CCDC91: variants seen among roughly 807,000 people sequenced by gnomAD.
CCDC91 encodes the protein coiled-coil domain containing 91, also known as coiled-coil domain-containing protein 91.
CCDC91 carries 48 observed loss-of-function variants against 63.2 expected under a neutral mutation model. The ratio of observed to expected loss-of-function variants is 0.76; its 90% CI spans 0.60 to 0.97. CCDC91 has a LOEUF of 0.97. CCDC91 is among the 50% of genes least tolerant of loss of function. The probability of loss-of-function intolerance (pLI) is 0.00; values close to 1 mark genes in which losing one functional copy is unlikely to be tolerated. For synonymous variants in CCDC91, 167 were observed against 165.8 expected (o/e 1.01, Z -0.06); for missense variants, 500 against 494.6 (o/e 1.01, Z -0.10).
At chr12:28,537,231 AAAG>A (rs1942248701) in intron 12 of CCDC91, among the ~76,000 whole-genome samples, 1 of 152,160 alleles carries the variant, frequency 6.6e-6, no homozygotes, top group Non-Finnish European at 1.5e-5. Context: ...AGGGGGAAAA[AAAG>A]GAGGAGGCAC....
chr12:28,370,338 C>T (rs562661552), intron 7 of CCDC91, among the ~76,000 whole-genome samples: 1 of 152,308 alleles, frequency 6.6e-6, no homozygotes, highest in South Asian at 2.1e-4. Flanking sequence ...TTTTACAATT[C>T]TCTAGGGCAG....
intron 12 of CCDC91, among the ~76,000 whole-genome samples, chr12:28,517,432 A>G (rs115261408): frequency 2.6e-4 from 39 of 152,082 alleles, no homozygotes; most frequent in African/African-American, 9.1e-4. Flanking sequence ...TTTGTTAAGT[A>G]TAATGGCATA....
intron 8 of CCDC91, among the ~76,000 whole-genome samples, chr12:28,422,023 T>G (rs1270385848): frequency 6.6e-6 from 1 of 152,164 alleles, no homozygotes; most frequent in East Asian, 1.9e-4. Flanking sequence ...TCCTGGAGTC[T>G]TGTTTCACTA....
At chr12:28,328,107 G>C (rs1941180595) in intron 6 of CCDC91, among the ~76,000 whole-genome samples, 1 of 152,084 alleles carries the variant, frequency 6.6e-6, no homozygotes, top group African/African-American at 2.4e-5. Context: ...TTTGATGTTT[G>C]TATGGCTGTC....
At position 28,362,504 on chromosome 12, in the gene CCDC91, G is replaced by A. The variant is rs781406194; in HGVS notation, c.643G>A (p.Asp215Asn). Reference sequence around the variant, plus strand: ...TCACGAAGCCCTCAGCATTATTGTGGATGAATATAAGGTAGAGGTTTGAGA... The same window carrying A: ...TCACGAAGCCCTCAGCATTATTGTGAATGAATATAAGGTAGAGGTTTGAGA... ...AGHEALSIIV[D>N]EYKALLQSSV... The change falls in exon 7 of 13, where the codon GAT (aspartate) becomes AAT (asparagine). Residue 215 changes from aspartate (D) to asparagine (N), a missense_variant. By Grantham distance (23) the Asp-to-Asn change is conservative. Coordinates refer to ENST00000536442, the MANE Select transcript of CCDC91 (RefSeq NM_018318.5). The A allele has an allele frequency of 2.5e-6, 4 of 1,591,564 alleles. No homozygotes were observed. Among genetic ancestry groups the A allele is most frequent in the Non-Finnish European group, 3.4e-6 (4 of 1,168,116 alleles).
intron 6 of CCDC91, among the ~76,000 whole-genome samples, chr12:28,344,075 A>G (rs1393996506): frequency 1.3e-5 from 2 of 152,060 alleles, no homozygotes; most frequent in Non-Finnish European, 2.9e-5. Context: ...GAACCAATAG[A>G]TATTTTAACA....
rs74931771 is a variant in CCDC91 at position 28,404,319 on chromosome 12, T to C, written c.762+12908T>C. 2.2e-3 allele frequency among the ~76,000 whole-genome samples: 328 copies of C among 152,234 alleles called. 2 individuals carry two copies. Among genetic ancestry groups the C allele is most frequent in the African/African-American group, 7.5e-3 (311 of 41,576 alleles). ...GGATTTTCTAGCTATTCTCCTATTA[T>C]TGATTTTCTAGTTTAATTCCACCGT... On this transcript the variant is annotated intron_variant, in intron 8 of 12. Coordinates refer to ENST00000536442, the MANE Select transcript of CCDC91 (RefSeq NM_018318.5).
intron 8 of CCDC91, among the ~76,000 whole-genome samples, chr12:28,447,628 A>T (rs1469250430): frequency 1.3e-5 from 2 of 148,850 alleles, no homozygotes; most frequent in Admixed American, 6.7e-5. Flanking sequence ...AGGTGGGAGG[A>T]TCACATGAAG....
intron 3 of CCDC91, among the ~76,000 whole-genome samples, chr12:28,292,664 A>C (rs892711701): frequency 2.0e-5 from 3 of 152,124 alleles, no homozygotes; most frequent in Non-Finnish European, 2.9e-5. Context: ...ATATTAATAT[A>C]AAATAGGCTG....
chr12:28,456,823 A>G (rs1950078488), intron 11 of CCDC91, among the ~76,000 whole-genome samples: 1 of 152,128 alleles, frequency 6.6e-6, no homozygotes, highest in Admixed American at 6.6e-5. Context: ...AGTTAGAAAT[A>G]TAGAAATGGA....
intron 6 of CCDC91, among the ~76,000 whole-genome samples, chr12:28,324,526 C>T (rs1354979184): frequency 6.6e-6 from 1 of 151,872 alleles, no homozygotes; most frequent in African/African-American, 2.4e-5. Context: ...TTACTTTTCT[C>T]GAATCCAATA....
chr12:28,426,782 A>G (rs981521515), intron 8 of CCDC91, among the ~76,000 whole-genome samples: 1 of 152,144 alleles, frequency 6.6e-6, no homozygotes, highest in Non-Finnish European at 1.5e-5. Context: ...ATAATTTCAA[A>G]AATGTTTGTC....
intron 7 of CCDC91, among the ~76,000 whole-genome samples, chr12:28,384,129 C>CT (rs1348223854): frequency 2.0e-5 from 3 of 149,312 alleles, no homozygotes; most frequent in Non-Finnish European, 4.4e-5. Context: ...TTTTCATAGT[C>CT]TTTTTTTAAC....
intron 11 of CCDC91, among the ~76,000 whole-genome samples, chr12:28,475,852 T>C (rs1472775184): frequency 6.6e-6 from 1 of 152,032 alleles, no homozygotes; most frequent in Non-Finnish European, 1.5e-5. Context: ...GTCTGTGATA[T>C]GTTACAGCAG....
At chr12:28,472,014 G>T (rs1438896069) in intron 11 of CCDC91, among the ~76,000 whole-genome samples, 1 of 152,098 alleles carries the variant, frequency 6.6e-6, no homozygotes, top group Non-Finnish European at 1.5e-5. Flanking sequence ...TCCTCCCAAA[G>T]TTCTGGGATT....
intron 4 of CCDC91, among the ~76,000 whole-genome samples, chr12:28,306,473 GA>G (rs755648437): frequency 6.6e-6 from 1 of 151,972 alleles, no homozygotes; most frequent in African/African-American, 2.4e-5. Flanking sequence ...TCAAGCACAG[GA>G]AAAAGTTAAG....
chr12:28,332,270 C>T (rs1012149562), intron 6 of CCDC91, among the ~76,000 whole-genome samples: 12 of 152,032 alleles, frequency 7.9e-5, no homozygotes, highest in Non-Finnish European at 1.6e-4. Context: ...GATAGTACCA[C>T]GATGATACAT....
At chr12:28,223,670 T>G (rs551635727) in intron 1 of CCDC91, among the ~76,000 whole-genome samples, 28 of 152,342 alleles carry the variant, frequency 1.8e-4, no homozygotes, top group South Asian at 1.4e-3. Context: ...TGAGTAATTG[T>G]AATGTATTAG....
chr12:28,367,640 A>G (rs1260112490), intron 7 of CCDC91, among the ~76,000 whole-genome samples: 1 of 152,210 alleles, frequency 6.6e-6, no homozygotes, highest in Non-Finnish European at 1.5e-5. Context: ...TCAGAAGCCA[A>G]ATGAACTGCA....
Sources: gnomAD v4.1 joint callset for allele counts (sites outside exome capture counted in the v4.1 genomes callset) on GRCh38, gnomAD v4.1.1 for gene constraint, MANE v1.5 for transcripts, NCBI Gene and HGNC (gene_info 2026-07-23, HGNC 2026-07-21) for gene names.